The following RABEP1 variants were observed in gnomAD, a reference collection of about 807,000 sequenced individuals.
The protein encoded by RABEP1 is rabaptin, RAB GTPase binding effector protein 1, also known as rab GTPase-binding effector protein 1.
RABEP1 carries 51 observed loss-of-function variants against 123.4 expected under a neutral mutation model. That is an observed-to-expected ratio of 0.41 (90% CI 0.33 to 0.52). The LOEUF (loss-of-function observed/expected upper bound fraction) is 0.52. Among genes scored for constraint, RABEP1 ranks in the 20% least tolerant of loss-of-function variants. The pLI, the probability that RABEP1 is intolerant of heterozygous loss-of-function variation, is 0.16. For synonymous variants in RABEP1, 347 were observed against 355.2 expected (o/e 0.98, Z 0.26); for missense variants, 888 against 996.3 (o/e 0.89, Z 1.46).
chr17:5,338,287 C>G lies in RABEP1; in HGVS notation c.648+149C>G, dbSNP rs1456102467. 3.9e-6 allele frequency: 4 copies of G among 1,026,240 alleles called. No individual in the cohort carries two copies. In the Admixed American group the frequency reaches 1.3e-4, roughly 33 times the overall value. 63.6% of individuals were successfully genotyped at this position (1,026,240 alleles called of 1,614,324 possible). On this transcript the variant is annotated intron_variant, in intron 5 of 17. Transcript: ENST00000537505. ...CTTTAAAATGCAAAAAACTGCCGGG[C>G]GAGGTGGCTCACGCCTGTAATCCCA...
At chr17:5,287,707 C>T (rs1424873195) in intron 1 of RABEP1, among the ~76,000 whole-genome samples, 2 of 151,194 alleles carry the variant, frequency 1.3e-5, no homozygotes, top group Non-Finnish European at 2.9e-5. Flanking sequence ...ATTGCTTGAG[C>T]CCAGGAGTTT....
At chr17:5,311,237 C>T (rs1026000756) in intron 2 of RABEP1, among the ~76,000 whole-genome samples, 4 of 152,044 alleles carry the variant, frequency 2.6e-5, no homozygotes, top group African/African-American at 7.2e-5. Context: ...TACCAGTTGG[C>T]GGAGATGTTA....
chr17:5,358,042 G>C (rs1597381553), intron 8 of RABEP1, among the ~76,000 whole-genome samples: 1 of 152,130 alleles, frequency 6.6e-6, no homozygotes, highest in East Asian at 1.9e-4. Flanking sequence ...AGGTAAGGGA[G>C]GTGGTTGGGA....
chr17:5,347,333 C>G lies in RABEP1; in HGVS notation c.784+408C>G, dbSNP rs1471728145. 3.3e-5 allele frequency among the ~76,000 whole-genome samples: 5 copies of G among 152,214 alleles called. No homozygotes were observed. In the South Asian group the frequency reaches 6.2e-4, roughly 19 times the overall value. On this transcript the variant is annotated intron_variant, in intron 6 of 17. Transcript: ENST00000537505. ...GTTGAGGCACGAGAATCACTTGAAC[C>G]CAGGAGGCAGAGGTTGCGGTGAGCC...
intron 3 of RABEP1, among the ~76,000 whole-genome samples, chr17:5,334,788 T>A (rs1906905311): frequency 6.6e-6 from 1 of 152,188 alleles, no homozygotes; most frequent in Admixed American, 6.5e-5. Flanking sequence ...TCGTATACTT[T>A]CAGGTAGTGG....
At chr17:5,368,142 T>G (rs1456028647) in intron 11 of RABEP1, among the ~76,000 whole-genome samples, 1 of 152,196 alleles carries the variant, frequency 6.6e-6, no homozygotes, top group Non-Finnish European at 1.5e-5. Flanking sequence ...GAATGCTCTT[T>G]GTTAATGTAT....
intron 1 of RABEP1, among the ~76,000 whole-genome samples, chr17:5,304,832 A>G (rs1376732122): frequency 1.3e-5 from 2 of 152,202 alleles, no homozygotes; most frequent in Non-Finnish European, 2.9e-5. Flanking sequence ...AAGTCTCAGC[A>G]TGGAACTGAG....
In RABEP1 at chr17:5,331,095, G is replaced by T. The variant is rs149749234; in HGVS notation, c.164-854G>T. ...GCTGACTGGGAAAAGTTTTGTAAGA[G>T]AAGACAGACTTAATATCCAGAATAT... On this transcript the variant is annotated intron_variant, in intron 2 of 17. Coordinates refer to ENST00000537505, the MANE Select transcript of RABEP1 (RefSeq NM_004703.6). 1.9e-4 allele frequency among the ~76,000 whole-genome samples: 25 copies of T among 133,774 alleles called. No homozygotes were observed. The East Asian group carries it at 5.8e-3, about 31-fold the overall frequency. The allele number at this position is 133,774 out of a possible 152,430, so 87.8% of individuals were successfully genotyped here. A position where few individuals can be genotyped will look rare whatever the true frequency, so the allele number is the denominator to read the frequency against.
At chr17:5,289,771 C>T (rs898738914) in intron 1 of RABEP1, among the ~76,000 whole-genome samples, 1 of 151,904 alleles carries the variant, frequency 6.6e-6, no homozygotes, top group Non-Finnish European at 1.5e-5. Flanking sequence ...TTCAATAGTT[C>T]ATGTTTTTGT....
chr17:5,319,576 A>G (rs1008805861), intron 2 of RABEP1, among the ~76,000 whole-genome samples: 5 of 152,058 alleles, frequency 3.3e-5, no homozygotes, highest in Admixed American at 1.3e-4. Flanking sequence ...CATGTTGGCT[A>G]TGCTGGTCTC....
chr17:5,375,630 C>T (rs756368551), intron 13 of RABEP1, among the ~76,000 whole-genome samples: 1 of 151,944 alleles, frequency 6.6e-6, no homozygotes, highest in Non-Finnish European at 1.5e-5. Flanking sequence ...CGCCTGAGCC[C>T]AGGAGGTCAA....
intron 12 of RABEP1, 63 bp from the exon 13 acceptor site, chr17:5,373,251 G>T: frequency 6.6e-7 from 1 of 1,521,472 alleles, no homozygotes. Context: ...TTTTTCTCTG[G>T]TGTAGCTATC....
At chr17:5,343,652 T>G (rs1042811599) in intron 5 of RABEP1, among the ~76,000 whole-genome samples, 2 of 150,020 alleles carry the variant, frequency 1.3e-5, no homozygotes, top group African/African-American at 5.0e-5. Context: ...TTCAAAAAGA[T>G]TTCTTTCTTT....
intron 11 of RABEP1, among the ~76,000 whole-genome samples, chr17:5,367,967 G>C (rs1910212448): frequency 6.6e-6 from 1 of 150,674 alleles, no homozygotes; most frequent in Admixed American, 6.7e-5. Context: ...ATGCAGGCCA[G>C]GCTGGTCTCG....
chr17:5,349,522 A>C (rs1485970750), intron 6 of RABEP1, among the ~76,000 whole-genome samples: 1 of 152,216 alleles, frequency 6.6e-6, no homozygotes, highest in Non-Finnish European at 1.5e-5. Flanking sequence ...TCAACAACAC[A>C]TACATTTTAC....
intron 6 of RABEP1, among the ~76,000 whole-genome samples, chr17:5,348,428 A>T (rs1263686016): frequency 1.3e-5 from 2 of 152,228 alleles, no homozygotes; most frequent in Non-Finnish European, 2.9e-5. Flanking sequence ...AGTTCAGCAC[A>T]ATTAGAATAC....
chr17:5,373,870 T>C (rs1910753008), intron 13 of RABEP1, among the ~76,000 whole-genome samples: 1 of 152,202 alleles, frequency 6.6e-6, no homozygotes, highest in African/African-American at 2.4e-5. Context: ...TCATACGATA[T>C]GTGGTCTTTT....
chr17:5,314,387 C>T (rs964806792), intron 2 of RABEP1, among the ~76,000 whole-genome samples: 4 of 151,212 alleles, frequency 2.6e-5, no homozygotes, highest in African/African-American at 4.9e-5. Flanking sequence ...GGACTACAGG[C>T]GGGTGCCACC....
intron 1 of RABEP1, among the ~76,000 whole-genome samples, chr17:5,298,833 T>C (rs1331929372): frequency 6.6e-6 from 1 of 152,096 alleles, no homozygotes; most frequent in Non-Finnish European, 1.5e-5. Context: ...TTTTTTGTAT[T>C]TTTAGTAGAG....
Sources: allele counts gnomAD v4.1 joint callset (sites outside exome capture counted in the v4.1 genomes callset), GRCh38; gene constraint gnomAD v4.1.1; transcripts MANE v1.5; gene names NCBI Gene and HGNC (gene_info 2026-07-23, HGNC 2026-07-21).